TEX14: variants seen among roughly 807,000 people sequenced by gnomAD.
The protein encoded by TEX14 is inactive serine/threonine-protein kinase TEX14.
TEX14 carries 168 observed loss-of-function variants against 178.6 expected under a neutral mutation model. That is an observed-to-expected ratio of 0.94 (90% confidence interval 0.83 to 1.07). The LOEUF (loss-of-function observed/expected upper bound fraction) is 1.07. Ranked by LOEUF, TEX14 falls within the 50% of genes least tolerant of loss-of-function variation. TEX14 has a pLI of 0.00. For synonymous variants in TEX14, 626 were observed against 634.1 expected (o/e 0.99, Z 0.19); for missense variants, 1,730 against 1,753.6 (o/e 0.99, Z 0.24).
At chr17:58,584,261 C>A (rs982827497) in intron 19 of TEX14, among the ~76,000 whole-genome samples, 1 of 152,202 alleles carries the variant, frequency 6.6e-6, no homozygotes, top group Non-Finnish European at 1.5e-5. Flanking sequence ...CTGAATCTGA[C>A]ACTTTTCTGT....
rs761691069 is a variant in TEX14 at position 58,611,194 on chromosome 17, G to A, written c.1151C>T (p.Ala384Val). Residue 384 changes from alanine to valine, a missense_variant, in exon 10 of 32, where the codon GCG (alanine) becomes GTG (valine). Physicochemically the swap from Ala to Val is moderately conservative, Grantham distance 64. Around this residue, in one of 2 missense-constraint regions of TEX14, gnomAD observed 789 missense variants for 681.2 expected, o/e 1.16. Transcript: ENST00000349033. The part of the protein sequence containing the change: ...YAVHIISPGE[A>V]RLTNLEYMLE... ...CATGTACTCCAGGTTGGTCAGCCTC[G>A]CTTCACCTGGGGAGATGATATGGAC... The A allele has an allele frequency of 1.2e-6, 2 of 1,613,782 alleles. No homozygotes were observed. The highest frequency in any genetic ancestry group is 1.3e-5 in the African/African-American group (1 of 74,870).
chr17:58,597,023 C>T (rs1233517129), intron 14 of TEX14, among the ~76,000 whole-genome samples: 1 of 152,180 alleles, frequency 6.6e-6, no homozygotes, highest in African/African-American at 2.4e-5. Flanking sequence ...AGGAGACCTG[C>T]CCCTAACCAA....
chr17:58,663,576 C>T (rs953733601), intron 1 of TEX14, among the ~76,000 whole-genome samples: 4 of 151,864 alleles, frequency 2.6e-5, no homozygotes, highest in African/African-American at 9.7e-5. Flanking sequence ...AAGCAATTCT[C>T]CTGCCTCAGC....
chr17:58,640,074 G>C (rs2046537487), intron 2 of TEX14, among the ~76,000 whole-genome samples: 1 of 152,120 alleles, frequency 6.6e-6, no homozygotes, highest in African/African-American at 2.4e-5. Context: ...ACTTTGGTAG[G>C]CCAAGGTGGG....
intron 2 of TEX14, among the ~76,000 whole-genome samples, chr17:58,631,432 G>GA (rs901942187): frequency 1.3e-5 from 2 of 152,048 alleles, no homozygotes; most frequent in African/African-American, 4.8e-5. Flanking sequence ...CAGGACCACA[G>GA]AAAAAAGCCC....
At chr17:58,649,125 G>T (rs2046785286) in intron 2 of TEX14, among the ~76,000 whole-genome samples, 2 of 146,388 alleles carry the variant, frequency 1.4e-5, no homozygotes, top group Non-Finnish European at 3.0e-5. Flanking sequence ...TGTTGCTCAG[G>T]CTGGAGTGCA....
chr17:58,584,706 A>G (rs2044910217), intron 18 of TEX14, 106 bp from the exon 19 acceptor site: 2 of 918,072 alleles, frequency 2.2e-6, no homozygotes, highest in Admixed American at 1.9e-5. Context: ...TATTCTGCCA[A>G]GAGTGGCCAT....
intron 2 of TEX14, among the ~76,000 whole-genome samples, chr17:58,644,564 T>G (rs965712735): frequency 6.7e-6 from 1 of 149,826 alleles, no homozygotes; most frequent in Non-Finnish European, 1.5e-5. Flanking sequence ...GGTCTTGAAC[T>G]CCTGACCTCA....
chr17:58,563,755 A>G (rs2044337317), intron 28 of TEX14, among the ~76,000 whole-genome samples: 1 of 146,828 alleles, frequency 6.8e-6, no homozygotes, highest in Non-Finnish European at 1.5e-5. Context: ...ATATATATGT[A>G]TACATATATA....
At chr17:58,612,045 C>T (rs1347822615) in intron 9 of TEX14, among the ~76,000 whole-genome samples, 2 of 152,104 alleles carry the variant, frequency 1.3e-5, no homozygotes, top group African/African-American at 4.8e-5. Context: ...CTAAATACTC[C>T]AAGAGCTCTC....
At position 58,640,612 on chromosome 17, in the gene TEX14, A is replaced by AGTGTGTGT. The variant is rs33931543; in HGVS notation, c.137-10066_137-10059dup. On this transcript the variant is annotated intron_variant, in intron 2 of 31. Transcript: ENST00000349033. The stretch of plus-strand genomic sequence containing the variant: ...TACTCACATGCAGAGCTTACCTTCT[A>AGTGTGTGT]GTGTGTGTGTGTGTGTGTGTGTGTG... Among the ~76,000 whole-genome samples the AGTGTGTGT allele has an allele frequency of 9.0e-3, 1,300 of 143,872 alleles. 7 individuals are homozygous for AGTGTGTGT. The highest frequency in any genetic ancestry group is 0.027 in the East Asian group (132 of 4,932). 94.4% of individuals were successfully genotyped at this position (143,872 alleles called of 152,430 possible).
intron 14 of TEX14, 33 bp from the exon 15 acceptor site, chr17:58,593,694 G>C (rs757472633): frequency 1.3e-6 from 2 of 1,543,374 alleles, no homozygotes; most frequent in Admixed American, 3.3e-5. Context: ...TCAGGGCTTT[G>C]ATGAGAGAAT....
At chr17:58,562,443 C>T (rs979744108) in intron 28 of TEX14, among the ~76,000 whole-genome samples, 5 of 152,072 alleles carry the variant, frequency 3.3e-5, no homozygotes, top group African/African-American at 7.2e-5. Context: ...CACTGCTGGC[C>T]CTTTTGGAAG....
intron 3 of TEX14, 59 bp from the exon 4 acceptor site, chr17:58,623,071 C>T: frequency 4.7e-6 from 7 of 1,496,666 alleles, no homozygotes; most frequent in Middle Eastern, 2.1e-4. Context: ...TTCCATGGAG[C>T]GGGGCTCAGC....
chr17:58,661,803 CA>C, intron 1 of TEX14: 1 of 491,374 alleles, frequency 2.0e-6, no homozygotes, highest in Non-Finnish European at 3.6e-6. Context: ...GGGTCTTCGT[CA>C]AACTTTGTCT....
intron 1 of TEX14, among the ~76,000 whole-genome samples, chr17:58,671,510 GC>G (rs1312862302): frequency 6.6e-6 from 1 of 152,060 alleles, no homozygotes; most frequent in Non-Finnish European, 1.5e-5. Flanking sequence ...TGGGGTCGCA[GC>G]TTTATAGAAT....
chr17:58,622,349 G>A (rs778408848), intron 4 of TEX14, among the ~76,000 whole-genome samples: 6 of 152,026 alleles, frequency 3.9e-5, no homozygotes, highest in Non-Finnish European at 7.4e-5. Context: ...AGGAGGCTGA[G>A]GCAGGAGAAT....
intron 17 of TEX14, among the ~76,000 whole-genome samples, chr17:58,587,257 C>G (rs923351879): frequency 2.8e-4 from 43 of 152,092 alleles, no homozygotes; most frequent in African/African-American, 1.0e-3. Context: ...TGCTTAAAGT[C>G]ATTGTCATTT....
At chr17:58,600,397 A>G (rs895683524) in intron 13 of TEX14, among the ~76,000 whole-genome samples, 1 of 151,928 alleles carries the variant, frequency 6.6e-6, no homozygotes, top group Admixed American at 6.6e-5. Context: ...CCCCATCTCT[A>G]CTAAATACAA....
Sources: gnomAD v4.1 joint callset for allele counts (sites outside exome capture counted in the v4.1 genomes callset) on GRCh38, gnomAD v4.1.1 for gene constraint, gnomAD v4.1.1 regional missense constraint, MANE v1.5 for transcripts, NCBI Gene and HGNC (gene_info 2026-07-23, HGNC 2026-07-21) for gene names.